B3GALT1: variants seen among roughly 807,000 people sequenced by gnomAD.
The protein encoded by B3GALT1 is beta-1,3-galactosyltransferase 1, also known as UDP-Gal:betaGlcNAc beta 1,3-galactosyltransferase, polypeptide 1.
A neutral mutation model predicts 23.2 loss-of-function variants in B3GALT1; 10 were observed. The observed-to-expected ratio is 0.43, with a 90% CI of 0.27 to 0.73. The LOEUF (loss-of-function observed/expected upper bound fraction) is 0.73, where lower values mean the gene tolerates loss of function less well. Among genes scored for constraint, B3GALT1 ranks in the 30% least tolerant of loss-of-function variants. B3GALT1 has a pLI of 0.21. For missense variants in B3GALT1, 299 were observed against 405.4 expected (o/e 0.74, Z 2.25); for synonymous variants, 156 against 141.5 (o/e 1.10, Z -0.73).
At chr2:167,736,458 A>G (rs572430298) in intron 3 of B3GALT1, among the ~76,000 whole-genome samples, 68 of 152,156 alleles carry the variant, frequency 4.5e-4, no homozygotes, top group Non-Finnish European at 8.5e-4. Flanking sequence ...GATGGGGGAG[A>G]AGAGAGCAGT....
chr2:167,593,524 A>G (rs908643027), intron 2 of B3GALT1, among the ~76,000 whole-genome samples: 9 of 152,238 alleles, frequency 5.9e-5, no homozygotes, highest in African/African-American at 2.2e-4. Context: ...GGAAACTAGA[A>G]TTTGGATAGC....
At chr2:167,422,222 C>G (rs916478489) in intron 1 of B3GALT1, among the ~76,000 whole-genome samples, 1 of 151,916 alleles carries the variant, frequency 6.6e-6, no homozygotes, top group Non-Finnish European at 1.5e-5. Flanking sequence ...CTCTCTCCCC[C>G]GCCCGCCCTT....
chr2:167,335,370 C>T (rs185197015), intron 1 of B3GALT1, among the ~76,000 whole-genome samples: 2 of 152,152 alleles, frequency 1.3e-5, no homozygotes, highest in African/African-American at 4.8e-5. Context: ...CCTTCTTAGG[C>T]CATATTTAGT....
chr2:167,576,520 G>GTTTTTTTTTTTGTTTTTTTTTTTT (rs1376836988), intron 2 of B3GALT1, among the ~76,000 whole-genome samples: 3 of 122,420 alleles, frequency 2.5e-5, no homozygotes, highest in Non-Finnish European at 5.3e-5. Context: ...TTGTTTTTCT[G>GTTTTTTTTTTTGTTTTTTTTTTTT]TTTTTTTTTT....
intron 3 of B3GALT1, among the ~76,000 whole-genome samples, chr2:167,721,145 G>A (rs190150614): frequency 1.6e-4 from 24 of 151,710 alleles, no homozygotes; most frequent in South Asian, 1.2e-3. Flanking sequence ...GGTGTTATTC[G>A]TCATTGAAAA....
At chr2:167,383,182 A>G (rs1290790378) in intron 1 of B3GALT1, among the ~76,000 whole-genome samples, 1 of 148,560 alleles carries the variant, frequency 6.7e-6, no homozygotes, top group Non-Finnish European at 1.5e-5. Context: ...TGACAATTCT[A>G]TGTGCAGTGC....
intron 2 of B3GALT1, among the ~76,000 whole-genome samples, chr2:167,524,048 A>T (rs549219036): frequency 6.6e-6 from 1 of 152,266 alleles, no homozygotes; most frequent in South Asian, 2.1e-4. Flanking sequence ...AAAACTTCTA[A>T]CATTTAGTGC....
At chr2:167,723,591 T>C (rs566501517) in intron 3 of B3GALT1, among the ~76,000 whole-genome samples, 26 of 151,964 alleles carry the variant, frequency 1.7e-4, no homozygotes, top group Admixed American at 2.6e-4. Context: ...AGTGCAGTGG[T>C]GTGATCTCAA....
At chr2:167,470,525 A>G (rs550453659) in intron 1 of B3GALT1, among the ~76,000 whole-genome samples, 1 of 152,272 alleles carries the variant, frequency 6.6e-6, no homozygotes, top group Non-Finnish European at 1.5e-5. Flanking sequence ...GGTTATTTTA[A>G]TAATTATATG....
intron 1 of B3GALT1, among the ~76,000 whole-genome samples, chr2:167,486,277 G>A (rs1011204219): frequency 6.9e-6 from 1 of 144,864 alleles, no homozygotes; most frequent in African/African-American, 2.6e-5. Flanking sequence ...GAGAATTGCT[G>A]GAACCCAGGA....
chr2:167,752,794 C>T (rs1687759383), intron 3 of B3GALT1, among the ~76,000 whole-genome samples: 2 of 152,180 alleles, frequency 1.3e-5, no homozygotes, highest in South Asian at 4.1e-4. Flanking sequence ...TCACATCACT[C>T]TTTGGCAAGG....
At chr2:167,697,530 A>G (rs1686806609) in intron 3 of B3GALT1, among the ~76,000 whole-genome samples, 1 of 152,192 alleles carries the variant, frequency 6.6e-6, no homozygotes, top group Non-Finnish European at 1.5e-5. Context: ...GCTTGCTATC[A>G]CTTACAAGGA....
intron 2 of B3GALT1, among the ~76,000 whole-genome samples, chr2:167,597,134 T>C (rs927035635): frequency 7.1e-5 from 10 of 140,182 alleles, no homozygotes; most frequent in African/African-American, 2.7e-4. Context: ...TTTTTTTTTT[T>C]AGATAGAGCC....
At position 167,819,962 on chromosome 2, in the gene B3GALT1, C is replaced by T. The variant is rs373297225; in HGVS notation, c.-230+1169C>T. Among the ~76,000 whole-genome samples the T allele has an allele frequency of 2.6e-4, 40 of 152,280 alleles. No individual in the cohort carries two copies. The East Asian group carries it at 2.7e-3, about 10-fold the overall frequency. The stretch of plus-strand genomic sequence containing the variant: ...TTTGTTTCAGCCCCTGACAGTGAGT[C>T]GCAAGAGGACCCTCTGATGAGGAGC... On this transcript the variant is annotated intron_variant, in intron 4 of 4. Transcript: ENST00000392690.
intron 1 of B3GALT1, among the ~76,000 whole-genome samples, chr2:167,483,554 A>G (rs980620593): frequency 6.6e-6 from 1 of 152,216 alleles, no homozygotes; most frequent in African/African-American, 2.4e-5. Flanking sequence ...TAATACACAT[A>G]TATGGTTGAG....
intron 2 of B3GALT1, among the ~76,000 whole-genome samples, chr2:167,620,570 T>C (rs934964132): frequency 2.6e-5 from 4 of 152,136 alleles, no homozygotes; most frequent in Admixed American, 2.6e-4. Flanking sequence ...ACCTACTTAC[T>C]AAGATTTATT....
At chr2:167,390,973 A>C (rs909696037) in intron 1 of B3GALT1, among the ~76,000 whole-genome samples, 1 of 152,250 alleles carries the variant, frequency 6.6e-6, no homozygotes, top group Non-Finnish European at 1.5e-5. Flanking sequence ...GACTCTAGAT[A>C]AGGGAGAATA....
At chr2:167,448,251 G>A (rs2105318302) in intron 1 of B3GALT1, among the ~76,000 whole-genome samples, 1 of 152,172 alleles carries the variant, frequency 6.6e-6, no homozygotes. Context: ...CAGTGGAAAA[G>A]TGTTTCCTTT....
At chr2:167,712,880 A>G (rs1687084368) in intron 3 of B3GALT1, among the ~76,000 whole-genome samples, 1 of 152,176 alleles carries the variant, frequency 6.6e-6, no homozygotes, top group Admixed American at 6.5e-5. Flanking sequence ...AATGCATTCA[A>G]TGTTAAATTT....
Sources: allele counts gnomAD v4.1 joint callset (sites outside exome capture counted in the v4.1 genomes callset), GRCh38; gene constraint gnomAD v4.1.1; transcripts MANE v1.5; gene names NCBI Gene and HGNC (gene_info 2026-07-23, HGNC 2026-07-21).